The following GGTA1 variants were observed in gnomAD, a reference collection of about 807,000 sequenced individuals.
GGTA1 encodes inactive N-acetyllactosaminide alpha-1,3-galactosyltransferase.
Under a neutral mutation model 2.6 loss-of-function variants are expected in GGTA1, and 5 were observed. That is an observed-to-expected ratio of 1.92 (90% CI 1.00 to 4.04). The LOEUF (loss-of-function observed/expected upper bound fraction) is 4.04, where lower values mean the gene tolerates loss of function less well. Among genes scored for constraint, GGTA1 ranks in the 30% most tolerant of loss-of-function variants. The pLI, the probability that GGTA1 is intolerant of heterozygous loss-of-function variation, is 0.00. For missense variants in GGTA1, 50 were observed against 16.7 expected (o/e 2.99, Z -3.47); for synonymous variants, 17 against 5.0 (o/e 3.38, Z -3.19).
chr9:121,468,410 A>G (rs892916788), intron 1 of GGTA1, among the ~76,000 whole-genome samples: 4 of 152,186 alleles, frequency 2.6e-5, no homozygotes, highest in Non-Finnish European at 5.9e-5. Flanking sequence ...TTCTTTATCC[A>G]GTCTATCATT....
intron 2 of GGTA1, among the ~76,000 whole-genome samples, chr9:121,467,389 C>T (rs1181269925): frequency 1.3e-5 from 2 of 152,136 alleles, no homozygotes; most frequent in Non-Finnish European, 2.9e-5. Context: ...GAATCACTAG[C>T]AATTCAGTAT....
At chr9:121,486,878 C>T (rs1828766305) in intron 1 of GGTA1, among the ~76,000 whole-genome samples, 1 of 152,198 alleles carries the variant, frequency 6.6e-6, no homozygotes, top group African/African-American at 2.4e-5. Flanking sequence ...GTCTGGATGA[C>T]TTTCCTTTCC....
chr9:121,465,331 G>A (rs1246326942), intron 2 of GGTA1, among the ~76,000 whole-genome samples: 2 of 152,244 alleles, frequency 1.3e-5, no homozygotes, highest in African/African-American at 4.8e-5. Flanking sequence ...GAACCCCAAA[G>A]GGTACTTGTT....
At position 121,457,911 on chromosome 9, in the gene GGTA1, C is replaced by CTT. The variant is rs530400416; in HGVS notation, c.299-2072_299-2071dup. On this transcript the variant is annotated intron_variant, in intron 5 of 5. Coordinates refer to ENST00000481799, the MANE Select transcript of GGTA1 (RefSeq NM_001382585.1). ...TTTAGGTAGTTTACAGAAAAGGATA[C>CTT]TTTTTTTTTTTTTTTTGAGACAGAG... Among the ~76,000 whole-genome samples, 109 of 135,308 alleles carry CTT rather than the reference C, an allele frequency of 8.1e-4. 1 individual carries two copies. Among genetic ancestry groups the CTT allele is most frequent in the African/African-American group, 1.1e-3 (40 of 36,692 alleles). The allele number at this position is 135,308 out of a possible 152,430, so 88.8% of individuals were successfully genotyped here.
chr9:121,480,801 C>T lies in GGTA1; in HGVS notation c.-9-12870G>A, dbSNP rs115844028. ...CCCACCTGCCTATCCTATTGTTCTG[C>T]TCCCAGTTCCACACCCAAACGAAAG... On this transcript the variant is annotated intron_variant, in intron 1 of 5. Transcript: ENST00000481799. Among the ~76,000 whole-genome samples, 1,120 of 152,306 alleles carry T rather than the reference C, an allele frequency of 7.4e-3. 15 individuals carry two copies. The highest frequency in any genetic ancestry group is 0.026 in the African/African-American group (1,070 of 41,566).
At chr9:121,461,445 AACAG>A (rs2064960352) in intron 3 of GGTA1, 128 bp from the exon 4 acceptor site, 1 of 373,568 alleles carries the variant, frequency 2.7e-6, no homozygotes, top group Non-Finnish European at 5.2e-6. Context: ...CAATTTATAA[AACAG>A]ACAGAAATGA....
chr9:121,489,999 T>C (rs921338223), intron 1 of GGTA1, among the ~76,000 whole-genome samples: 1 of 152,224 alleles, frequency 6.6e-6, no homozygotes, highest in African/African-American at 2.4e-5. Flanking sequence ...TTTGATTATT[T>C]TTGGTAAATC....
At chr9:121,487,301 G>T (rs1199566444) in intron 1 of GGTA1, among the ~76,000 whole-genome samples, 3 of 149,892 alleles carry the variant, frequency 2.0e-5, no homozygotes, top group African/African-American at 7.6e-5. Flanking sequence ...GGCTCAGGCT[G>T]CGCGCGGTGA....
At chr9:121,463,411 CG>C (rs2064977041) in intron 2 of GGTA1, 83 bp from the exon 3 acceptor site, 3 of 421,054 alleles carry the variant, frequency 7.1e-6, no homozygotes, top group South Asian at 3.4e-5. Flanking sequence ...TCACTGAGCC[CG>C]GGGCTGAGCT....
At chr9:121,457,797 G>GC (rs1321285148) in intron 5 of GGTA1, among the ~76,000 whole-genome samples, 1 of 151,854 alleles carries the variant, frequency 6.6e-6, no homozygotes, top group Admixed American at 6.6e-5. Flanking sequence ...AGAGGGAGCT[G>GC]CCCCTCTCGG....
chr9:121,485,952 A>G (rs1828746752), intron 1 of GGTA1, among the ~76,000 whole-genome samples: 1 of 151,954 alleles, frequency 6.6e-6, no homozygotes, highest in African/African-American at 2.4e-5. Context: ...ACCACCAAAA[A>G]CCCATTTGTG....
chr9:121,469,376 T>C (rs920419211), intron 1 of GGTA1, among the ~76,000 whole-genome samples: 2 of 152,166 alleles, frequency 1.3e-5, no homozygotes, highest in Admixed American at 6.5e-5. Flanking sequence ...CACCTCAGCA[T>C]GGCTGGATCC....
chr9:121,478,818 G>A (rs1828573009), intron 1 of GGTA1, among the ~76,000 whole-genome samples: 1 of 152,180 alleles, frequency 6.6e-6, no homozygotes, highest in African/African-American at 2.4e-5. Context: ...AATCCAGCCA[G>A]CTTTTCCATG....
exon 8 of GGTA1, chr9:121,446,591 T>G (rs2064853368): frequency 6.6e-6 from 1 of 152,236 alleles, no homozygotes; most frequent in Non-Finnish European, 1.5e-5. Context: ...TTAGCACCCT[T>G]TTCTCCAGAT....
At chr9:121,456,429 T>C (rs993689823) in intron 5 of GGTA1, among the ~76,000 whole-genome samples, 5 of 152,298 alleles carry the variant, frequency 3.3e-5, no homozygotes, top group African/African-American at 1.2e-4. Context: ...AAATTCTTTT[T>C]TTTTTTCAGA....
At chr9:121,469,249 G>A (rs1167559495) in intron 1 of GGTA1, among the ~76,000 whole-genome samples, 1 of 152,204 alleles carries the variant, frequency 6.6e-6, no homozygotes, top group Admixed American at 6.5e-5. Flanking sequence ...GATGGAAAAG[G>A]ATGAAAAGCA....
chr9:121,450,216 T>C (rs541281107), downstream of GGTA1, among the ~76,000 whole-genome samples: 8 of 151,578 alleles, frequency 5.3e-5, no homozygotes, highest in African/African-American at 1.9e-4. Flanking sequence ...CTGAGGAATA[T>C]AAAAAGGGAC....
At chr9:121,468,083 G>T (rs182048090) in intron 1 of GGTA1, among the ~76,000 whole-genome samples, 152 bp from the exon 2 acceptor site, 3 of 152,286 alleles carry the variant, frequency 2.0e-5, no homozygotes, top group African/African-American at 7.2e-5. Flanking sequence ...GTGCAGGTTT[G>T]TTACATAGGT....
intron 5 of GGTA1, among the ~76,000 whole-genome samples, chr9:121,456,745 G>A (rs2064914700): frequency 1.3e-5 from 2 of 151,862 alleles, no homozygotes; most frequent in South Asian, 2.1e-4. Flanking sequence ...GAATCATGGA[G>A]TAGGTTAAAA....
Sources: gnomAD v4.1 joint callset for allele counts (sites outside exome capture counted in the v4.1 genomes callset) on GRCh38, gnomAD v4.1.1 for gene constraint, MANE v1.5 for transcripts, NCBI Gene and HGNC (gene_info 2026-07-23, HGNC 2026-07-21) for gene names.